Variants in ROBO1 observed in about 807,000 individuals in gnomAD.
The protein encoded by ROBO1 is roundabout homolog 1.
Under a neutral mutation model 195.9 loss-of-function variants are expected in ROBO1, and 149 were observed. The observed-to-expected ratio is 0.76, with a 90% CI of 0.67 to 0.87. The LOEUF (loss-of-function observed/expected upper bound fraction) is 0.87. Among genes scored for constraint, ROBO1 ranks in the 40% least tolerant of loss-of-function variants. The pLI is 0.00. For missense variants in ROBO1, 1,933 were observed against 2,068.3 expected (o/e 0.93, Z 1.27); for synonymous variants, 816 against 733.2 (o/e 1.11, Z -1.82).
At position 79,134,332 on chromosome 3, in the gene ROBO1, T is replaced by A. The variant is rs1227529514; in HGVS notation, c.89-8793A>T. Among the ~76,000 whole-genome samples, 247 of 121,442 alleles carry A rather than the reference T, an allele frequency of 2.0e-3. 1 individual carries two copies. Among genetic ancestry groups the A allele is most frequent in the African/African-American group, 7.5e-3 (233 of 30,890 alleles). 79.7% of individuals were successfully genotyped at this position (121,442 alleles called of 152,430 possible). On this transcript the variant is annotated intron_variant, in intron 2 of 30. Transcript: ENST00000464233. Reference sequence around the variant, plus strand: ...TCAGAGAAATGCAAATCAAAACCACTATGAGATATCATCTCACACCAGTTA... The same window carrying A: ...TCAGAGAAATGCAAATCAAAACCACAATGAGATATCATCTCACACCAGTTA...
chr3:79,308,713 C>A lies in ROBO1; in HGVS notation c.89-183174G>T, dbSNP rs547937012. ...AGTGGAAAAGTAAGCATGTTATTAA[C>A]ATTTGCCTCTGAATCAATTACTAAT... On this transcript the variant is annotated intron_variant, in intron 2 of 30. Coordinates refer to ENST00000464233, the MANE Select transcript of ROBO1 (RefSeq NM_002941.4). Among the ~76,000 whole-genome samples, 6 of 152,272 alleles carry A rather than the reference C, an allele frequency of 3.9e-5. No homozygotes were observed. The South Asian group carries it at 1.2e-3, about 32-fold the overall frequency.
intron 4 of ROBO1, among the ~76,000 whole-genome samples, chr3:78,798,731 C>T (rs1221670633): frequency 6.6e-6 from 1 of 152,108 alleles, no homozygotes; most frequent in African/African-American, 2.4e-5. Flanking sequence ...TCAAGTAATC[C>T]AAAGGTACAA....
chr3:79,324,169 A>G (rs1165212710), intron 2 of ROBO1, among the ~76,000 whole-genome samples: 1 of 152,202 alleles, frequency 6.6e-6, no homozygotes, highest in Non-Finnish European at 1.5e-5. Context: ...CTTTAGGTGA[A>G]GAACAATTTT....
chr3:78,821,726 G>A (rs2108681788), intron 4 of ROBO1, among the ~76,000 whole-genome samples: 1 of 152,204 alleles, frequency 6.6e-6, no homozygotes, highest in Middle Eastern at 3.4e-3. Flanking sequence ...AGAGATTGAG[G>A]TTGCAGGATA....
At chr3:79,030,831 C>T (rs902115682) in intron 3 of ROBO1, among the ~76,000 whole-genome samples, 8 of 152,138 alleles carry the variant, frequency 5.3e-5, no homozygotes, top group African/African-American at 1.9e-4. Flanking sequence ...AAGCAATTCT[C>T]CTGCCTCAGC....
intron 2 of ROBO1, among the ~76,000 whole-genome samples, chr3:79,519,473 C>T (rs1443885259): frequency 1.3e-5 from 2 of 150,928 alleles, no homozygotes; most frequent in Non-Finnish European, 3.0e-5. Flanking sequence ...TACTAAAATA[C>T]AAAAAATTAG....
chr3:78,918,295 T>G (rs1420860010), intron 4 of ROBO1, among the ~76,000 whole-genome samples: 1 of 152,082 alleles, frequency 6.6e-6, no homozygotes, highest in Non-Finnish European at 1.5e-5. Context: ...AAAAGCCCAT[T>G]TTGCAAAGAG....
At chr3:79,694,032 T>G (rs1182905970) in intron 1 of ROBO1, among the ~76,000 whole-genome samples, 2 of 151,490 alleles carry the variant, frequency 1.3e-5, no homozygotes, top group South Asian at 2.1e-4. Context: ...ACAAGAAAAA[T>G]AGAGGCCTAA....
chr3:79,077,579 T>C (rs2079196029), intron 3 of ROBO1, among the ~76,000 whole-genome samples: 1 of 151,838 alleles, frequency 6.6e-6, no homozygotes, highest in Non-Finnish European at 1.5e-5. Flanking sequence ...GTAAAGGAAA[T>C]TTGAAATTCT....
intron 2 of ROBO1, among the ~76,000 whole-genome samples, chr3:79,368,986 C>T (rs1045554008): frequency 6.6e-6 from 1 of 152,112 alleles, no homozygotes; most frequent in Non-Finnish European, 1.5e-5. Flanking sequence ...TTAAGGTATG[C>T]ACAAATTTGC....
At chr3:79,763,948 T>C (rs941750114) in intron 1 of ROBO1, among the ~76,000 whole-genome samples, 14 of 152,204 alleles carry the variant, frequency 9.2e-5, no homozygotes, top group African/African-American at 3.4e-4. Context: ...CTGAAGAGAA[T>C]GGCTCCCTTA....
chr3:78,998,521 C>T (rs1184174141), intron 3 of ROBO1, among the ~76,000 whole-genome samples: 1 of 152,048 alleles, frequency 6.6e-6, no homozygotes, highest in Admixed American at 6.6e-5. Context: ...GGTGGACAAC[C>T]CACTGGCATC....
In ROBO1 at chr3:79,758,886, T is replaced by C. The variant is rs191131617; in HGVS notation, c.-51+8866A>G. 1.3e-3 allele frequency among the ~76,000 whole-genome samples: 204 copies of C among 152,322 alleles called. 1 individual carries two copies. Among genetic ancestry groups the C allele is most frequent in the African/African-American group, 4.6e-3 (192 of 41,584 alleles). ...GAATAAAAGCACACAATAAATTTGTTCATTTTCCAAAATAATTTCTTTCCT... is the reference window on the plus strand; with the variant it reads ...GAATAAAAGCACACAATAAATTTGTCCATTTTCCAAAATAATTTCTTTCCT... On this transcript the variant is annotated intron_variant, in intron 1 of 30. Coordinates refer to ENST00000464233, the MANE Select transcript of ROBO1 (RefSeq NM_002941.4).
intron 8 of ROBO1, 40 bp from the exon 9 acceptor site, chr3:78,688,812 G>A (rs967454): frequency 0.46 from 720,669 of 1,570,346 alleles, 173,118 homozygotes; most frequent in Middle Eastern, 0.5. Flanking sequence ...TTAAAAGCAC[G>A]TTGTTATTGT....
chr3:78,748,267 G>A lies in ROBO1; in HGVS notation c.500-1367C>T, dbSNP rs192899111. On this transcript the variant is annotated intron_variant, in intron 4 of 30. Transcript: ENST00000464233. ...TTGAGACCAGCCTGACCAACATGGAGAAACCCTGTCTCTACTAAAAATACA... is the reference window on the plus strand; with the variant it reads ...TTGAGACCAGCCTGACCAACATGGAAAAACCCTGTCTCTACTAAAAATACA... Among the ~76,000 whole-genome samples, 256 of 152,212 alleles carry A rather than the reference G, an allele frequency of 1.7e-3. 2 individuals are homozygous for A. The highest frequency in any genetic ancestry group is 5.8e-3 in the African/African-American group (241 of 41,546).
Position 78,673,597 on chromosome 3 carries a change from TATATATATAC to T in ROBO1, c.1343-3306_1343-3297del, listed in dbSNP as rs1434387461. On this transcript the variant is annotated intron_variant, in intron 10 of 30. Transcript: ENST00000464233. ...ATATATATATATATATATATATATA[TATATATATAC>T]ACACATATATTACAGCAGGGTTATA... Among the ~76,000 whole-genome samples the T allele has an allele frequency of 7.7e-3, 473 of 61,314 alleles. 7 individuals carry two copies. Among genetic ancestry groups the T allele is most frequent in the East Asian group, 0.024 (24 of 984 alleles). 40.2% of individuals were successfully genotyped at this position (61,314 alleles called of 152,430 possible).
Position 78,688,586 on chromosome 3 carries a change from C to G in ROBO1, c.1170+62G>C, listed in dbSNP as rs540723859. ...ACTAAGTAATATGTTGGTTTTTCTT[C>G]TCATACATCTTGGCAACCATCTTTG... On this transcript the variant is annotated intron_variant, in intron 9 of 30. Coordinates refer to ENST00000464233, the MANE Select transcript of ROBO1 (RefSeq NM_002941.4). 1.0e-4 allele frequency: 149 copies of G among 1,468,648 alleles called. No homozygotes were observed. In the African/African-American group the frequency reaches 2.1e-3, roughly 20 times the overall value. 91.0% of individuals were successfully genotyped at this position (1,468,648 alleles called of 1,614,324 possible).
chr3:79,477,372 A>T (rs899274051), intron 2 of ROBO1, among the ~76,000 whole-genome samples: 1 of 152,196 alleles, frequency 6.6e-6, no homozygotes, highest in Non-Finnish European at 1.5e-5. Context: ...TTTGCTTGGG[A>T]AATTCCCACC....
chr3:79,348,623 C>T (rs575224071), intron 2 of ROBO1, among the ~76,000 whole-genome samples: 3 of 152,230 alleles, frequency 2.0e-5, no homozygotes, highest in Non-Finnish European at 2.9e-5. Flanking sequence ...GTTTGTGCTG[C>T]ACATTAAATA....
Sources: gnomAD v4.1 joint callset for allele counts (sites outside exome capture counted in the v4.1 genomes callset) on GRCh38, gnomAD v4.1.1 for gene constraint, MANE v1.5 for transcripts, NCBI Gene and HGNC (gene_info 2026-07-23, HGNC 2026-07-21) for gene names.